Variants in ARID3A observed in about 807,000 individuals in gnomAD.
The protein encoded by ARID3A is AT-rich interaction domain 3A, also known as AT-rich interactive domain-containing protein 3A.
ARID3A carries 11 observed loss-of-function variants against 52.7 expected under a neutral mutation model. The ratio of observed to expected loss-of-function variants is 0.21; its 90% CI spans 0.13 to 0.35. The LOEUF is 0.35. Ranked by LOEUF, ARID3A falls within the 10% of genes least tolerant of loss-of-function variation. The pLI, the probability that ARID3A is intolerant of heterozygous loss-of-function variation, is 1.00. For synonymous variants in ARID3A, 404 were observed against 359.4 expected (o/e 1.12, Z -1.40); for missense variants, 721 against 838.5 (o/e 0.86, Z 1.73).
At chr19:943,915 C>G (rs2037613287) in intron 3 of ARID3A, among the ~76,000 whole-genome samples, 3 of 152,230 alleles carry the variant, frequency 2.0e-5, no homozygotes, top group Admixed American at 1.3e-4. Flanking sequence ...CTCATGGGCA[C>G]TTACGGGGCA....
chr19:928,701 G>C (rs931698937), intron 1 of ARID3A: 3 of 152,208 alleles, frequency 2.0e-5, no homozygotes, highest in South Asian at 2.1e-4. Context: ...CCATGGGTTG[G>C]GGGGGTACTG....
At position 932,460 on chromosome 19, in the gene ARID3A, G is replaced by GGAGGAT; in HGVS notation, c.417_422dup (p.Asp139_Glu140dup). ...AGGAGGAGATGGAGGAAGACCTCGG[G>GGAGGAT]GAGGATGAGGAGGAGGAGGAGGAGG... is the stretch of plus-strand genomic sequence containing the variant. On this transcript the variant is annotated inframe_insertion, in exon 3 of 9. Transcript: ENST00000263620. 4 of 1,584,250 alleles carry GGAGGAT rather than the reference G, an allele frequency of 2.5e-6. No individual in the cohort carries two copies. In the South Asian group the frequency reaches 4.6e-5, roughly 18 times the overall value.
intron 4 of ARID3A, among the ~76,000 whole-genome samples, chr19:961,093 C>G (rs1475988052): frequency 2.0e-5 from 3 of 152,212 alleles, no homozygotes; most frequent in Non-Finnish European, 4.4e-5. Flanking sequence ...GGACACTCCT[C>G]TAGGGCAGGG....
intron 3 of ARID3A, among the ~76,000 whole-genome samples, chr19:937,678 C>G (rs895656853): frequency 6.6e-5 from 10 of 150,420 alleles, no homozygotes; most frequent in African/African-American, 2.5e-4. Context: ...CCTCTACATC[C>G]TCACCACTTG....
intron 8 of ARID3A, among the ~76,000 whole-genome samples, chr19:968,961 G>T (rs985005617): frequency 8.6e-5 from 13 of 151,514 alleles, no homozygotes; most frequent in African/African-American, 3.2e-4. Flanking sequence ...GCCAATCCCA[G>T]CATTTTCGGA....
At chr19:951,257 T>A (rs929678955) in intron 3 of ARID3A, among the ~76,000 whole-genome samples, 2 of 149,426 alleles carry the variant, frequency 1.3e-5, no homozygotes, top group South Asian at 2.3e-4. Flanking sequence ...ACACCCAGCC[T>A]TTTATAAGAT....
At chr19:930,749 T>C (rs1251206287) in intron 2 of ARID3A, among the ~76,000 whole-genome samples, 1 of 151,002 alleles carries the variant, frequency 6.6e-6, no homozygotes, top group Non-Finnish European at 1.5e-5. Flanking sequence ...GACCTCATGA[T>C]CTGCCTGCCT....
chr19:957,620 C>T (rs1047804788), intron 3 of ARID3A, among the ~76,000 whole-genome samples: 1 of 152,268 alleles, frequency 6.6e-6, no homozygotes, highest in South Asian at 2.1e-4. Context: ...ACGTGAGGAT[C>T]GAGGGAGCCC....
Position 932,490 on chromosome 19 carries a change from CGAGGATGAGGAGGAGGAG to C in ARID3A, c.447_464del (p.Glu152_Glu157del), listed in dbSNP as rs761756463. 4 of 1,568,776 alleles carry C rather than the reference CGAGGATGAGGAGGAGGAG, an allele frequency of 2.5e-6. No individual in the cohort carries two copies. In the Admixed American group the frequency reaches 8.3e-5, roughly 33 times the overall value. ...ATGAGGAGGAGGAGGAGGAGGATTA[CGAGGATGAGGAGGAGGAG>C]GAGGACGAGGAGGGGCTGGGCCCCC... On this transcript the variant is annotated inframe_deletion, in exon 3 of 9. Transcript: ENST00000263620.
At chr19:927,050 C>T (rs1288728287) in intron 1 of ARID3A, among the ~76,000 whole-genome samples, 8 of 152,150 alleles carry the variant, frequency 5.3e-5, no homozygotes, top group Non-Finnish European at 5.9e-5. Context: ...CCGCCCCTCC[C>T]CCTCCTCTTC....
chr19:931,837 C>T (rs936608983), intron 2 of ARID3A, among the ~76,000 whole-genome samples: 1 of 146,576 alleles, frequency 6.8e-6, no homozygotes, highest in African/African-American at 2.5e-5. Context: ...AAAAAAAAAA[C>T]GGCTGCCAAG....
At chr19:951,428 G>A (rs992672066) in intron 3 of ARID3A, among the ~76,000 whole-genome samples, 2 of 152,002 alleles carry the variant, frequency 1.3e-5, no homozygotes, top group African/African-American at 2.4e-5. Flanking sequence ...GTGGTGGCAG[G>A]TGCCTGTGGT....
chr19:936,500 C>T (rs549183455), intron 3 of ARID3A, among the ~76,000 whole-genome samples: 7 of 152,040 alleles, frequency 4.6e-5, no homozygotes, highest in South Asian at 2.1e-4. Context: ...GCCGTGATCG[C>T]GCCACCACAC....
At chr19:968,770 A>C in intron 8 of ARID3A, 1 of 336,344 alleles carries the variant, frequency 3.0e-6, no homozygotes, top group Admixed American at 4.5e-5. Context: ...TTTTTGTTTT[A>C]ATGAGACGGA....
intron 3 of ARID3A, among the ~76,000 whole-genome samples, chr19:945,820 C>T (rs1324485205): frequency 6.6e-6 from 1 of 152,186 alleles, no homozygotes; most frequent in Non-Finnish European, 1.5e-5. Flanking sequence ...TGCTGGGCTG[C>T]GTTTCTGTTC....
intron 8 of ARID3A, among the ~76,000 whole-genome samples, chr19:969,012 C>CT (rs1423738119): frequency 6.6e-5 from 10 of 151,916 alleles, no homozygotes; most frequent in South Asian, 2.1e-4. Context: ...GGGTTAGAGA[C>CT]TTTCAGGCTG....
chr19:936,761 G>A (rs2037447377), intron 3 of ARID3A, among the ~76,000 whole-genome samples: 1 of 152,142 alleles, frequency 6.6e-6, no homozygotes, highest in Non-Finnish European at 1.5e-5. Flanking sequence ...GGAATCACTT[G>A]AACTCAGAAG....
rs145845880 is a variant in ARID3A, at chr19:955,873, C to T, written c.694-4219C>T. Among the ~76,000 whole-genome samples the T allele has an allele frequency of 4.0e-3, 612 of 152,294 alleles. 5 individuals are homozygous for T. The highest frequency in any genetic ancestry group is 0.027 in the Middle Eastern group (8 of 294). ...CCTCAAACCGCGGGCGTAAAACAAA[C>T]GAAACCTGTTCTCCCTCCGTCCTGG... On this transcript the variant is annotated intron_variant, in intron 3 of 8. Transcript: ENST00000263620.
Position 959,989 on chromosome 19 carries a change from C to T in ARID3A, c.694-103C>T. The T allele has an allele frequency of 1.0e-6, 1 of 1,002,108 alleles. No homozygotes were observed. 62.1% of individuals were successfully genotyped at this position (1,002,108 alleles called of 1,614,324 possible). On this transcript the variant is annotated intron_variant, in intron 3 of 8. Coordinates refer to ENST00000263620, the MANE Select transcript of ARID3A (RefSeq NM_005224.3). This position sits in a 1 kb window ranked among gnomAD's most constrained non-coding sequence, Gnocchi z 5.0. ...GGCTTGAGGGTCCTAGGGGTGGTGA[C>T]CCCTGCTCCTGTCCTCCTGACCTGG...
Sources: allele counts gnomAD v4.1 joint callset (sites outside exome capture counted in the v4.1 genomes callset), GRCh38; gene constraint gnomAD v4.1.1; non-coding constraint Gnocchi (gnomAD v3.1); transcripts MANE v1.5; gene names NCBI Gene and HGNC (gene_info 2026-07-23, HGNC 2026-07-21).